Variants in CSMD1 observed in about 807,000 individuals in gnomAD.
The protein encoded by CSMD1 is CUB and Sushi multiple domains 1, also known as CUB and sushi domain-containing protein 1.
CSMD1 carries 213 observed loss-of-function variants against 417.5 expected under a neutral mutation model. That is an observed-to-expected ratio of 0.51 (90% CI 0.46 to 0.57). The LOEUF (loss-of-function observed/expected upper bound fraction) is 0.57. Ranked by LOEUF, CSMD1 falls within the 20% of genes least tolerant of loss-of-function variation. CSMD1 has a pLI of 0.00. For synonymous variants in CSMD1, 2,862 were observed against 1,736.8 expected (o/e 1.65, Z -16.11); for missense variants, 6,923 against 4,529.7 (o/e 1.53, Z -15.17).
chr8:4,377,190 A>G (rs1301208732), intron 3 of CSMD1, among the ~76,000 whole-genome samples: 1 of 152,170 alleles, frequency 6.6e-6, no homozygotes, highest in Non-Finnish European at 1.5e-5. Context: ...TTGATTACAC[A>G]TCTTTTGGAA....
intron 2 of CSMD1, among the ~76,000 whole-genome samples, chr8:4,480,211 C>T (rs73514662): frequency 6.8e-6 from 1 of 146,122 alleles, no homozygotes; most frequent in South Asian, 2.1e-4. Flanking sequence ...CAAAAAAAAA[C>T]CGAGAAGGAA....
intron 2 of CSMD1, among the ~76,000 whole-genome samples, chr8:4,479,015 A>T (rs1034947446): frequency 6.6e-6 from 1 of 152,182 alleles, no homozygotes; most frequent in Non-Finnish European, 1.5e-5. Context: ...ACACTGTTGC[A>T]ATTCCTAGGG....
chr8:4,305,263 C>T (rs971203239), intron 3 of CSMD1, among the ~76,000 whole-genome samples: 1 of 152,292 alleles, frequency 6.6e-6, no homozygotes, highest in Admixed American at 6.5e-5. Flanking sequence ...CGGCCATTTC[C>T]AATGCCTGGG....
At chr8:4,707,917 A>T (rs1349011265) in intron 1 of CSMD1, among the ~76,000 whole-genome samples, 1 of 92,812 alleles carries the variant, frequency 1.1e-5, no homozygotes, top group East Asian at 3.5e-4. Flanking sequence ...AAAAAAAAAA[A>T]AAAAAAAAAA....
chr8:3,849,566 G>C (rs529848582), intron 5 of CSMD1, among the ~76,000 whole-genome samples: 1 of 152,162 alleles, frequency 6.6e-6, no homozygotes, highest in East Asian at 1.9e-4. Flanking sequence ...CAATTCAAAT[G>C]AGTTCAGCTA....
At chr8:4,300,447 A>G (rs998715016) in intron 3 of CSMD1, among the ~76,000 whole-genome samples, 1 of 152,252 alleles carries the variant, frequency 6.6e-6, no homozygotes. Flanking sequence ...ATCCCTAAAG[A>G]ACTGAGTGTC....
At chr8:4,940,817 T>G (rs1414049691) in intron 1 of CSMD1, among the ~76,000 whole-genome samples, 1 of 152,216 alleles carries the variant, frequency 6.6e-6, no homozygotes, top group Non-Finnish European at 1.5e-5. Context: ...GTACCATGTG[T>G]CAGCTTGTAC....
chr8:3,751,261 C>G (rs1266332122), intron 6 of CSMD1, among the ~76,000 whole-genome samples: 1 of 150,372 alleles, frequency 6.7e-6, no homozygotes, highest in Non-Finnish European at 1.5e-5. Context: ...AATTAAATGC[C>G]AAATTTTTGA....
intron 2 of CSMD1, among the ~76,000 whole-genome samples, chr8:4,493,434 G>A (rs1214939998): frequency 6.6e-6 from 1 of 152,098 alleles, no homozygotes; most frequent in Non-Finnish European, 1.5e-5. Context: ...GGTGGTTCAC[G>A]CCTGTAATGC....
At chr8:3,898,687 C>T (rs1434289513) in intron 5 of CSMD1, among the ~76,000 whole-genome samples, 1 of 152,200 alleles carries the variant, frequency 6.6e-6, no homozygotes, top group Non-Finnish European at 1.5e-5. Context: ...GTTTCTCATT[C>T]AGAGTTCAGA....
At chr8:3,517,491 A>G (rs887595334) in intron 10 of CSMD1, among the ~76,000 whole-genome samples, 1 of 152,192 alleles carries the variant, frequency 6.6e-6, no homozygotes, top group African/African-American at 2.4e-5. Flanking sequence ...ATAGTTTGAT[A>G]AAAAATACTT....
intron 3 of CSMD1, among the ~76,000 whole-genome samples, chr8:4,143,746 G>C (rs1803940397): frequency 6.6e-6 from 1 of 151,112 alleles, no homozygotes. Flanking sequence ...GTGAAAGGGG[G>C]GATTTATTAA....
At chr8:3,500,370 C>T (rs1369235976) in intron 10 of CSMD1, among the ~76,000 whole-genome samples, 4 of 152,050 alleles carry the variant, frequency 2.6e-5, no homozygotes, top group Admixed American at 6.5e-5. Flanking sequence ...GCCACTGTGG[C>T]CAGTGAGCAT....
chr8:3,619,599 T>C (rs1387845943), intron 7 of CSMD1, among the ~76,000 whole-genome samples: 1 of 152,122 alleles, frequency 6.6e-6, no homozygotes, highest in Non-Finnish European at 1.5e-5. Context: ...TCAAGGAGAT[T>C]AATGAACACC....
chr8:3,351,195 C>T (rs1307551196), intron 21 of CSMD1, among the ~76,000 whole-genome samples: 1 of 152,180 alleles, frequency 6.6e-6, no homozygotes, highest in East Asian at 1.9e-4. Flanking sequence ...TGTGAATATA[C>T]ATGACCAAAA....
At chr8:4,878,964 G>C (rs931218511) in intron 1 of CSMD1, among the ~76,000 whole-genome samples, 3 of 151,934 alleles carry the variant, frequency 2.0e-5, no homozygotes, top group African/African-American at 7.3e-5. Flanking sequence ...GGCACAGTGA[G>C]AAGCAGGGAG....
At chr8:3,607,999 G>C (rs748521752) in intron 8 of CSMD1, among the ~76,000 whole-genome samples, 2 of 152,052 alleles carry the variant, frequency 1.3e-5, no homozygotes, top group African/African-American at 2.4e-5. Context: ...GGAAAACCCT[G>C]TCTCTACTAA....
chr8:3,340,588 G>A (rs79698353), intron 23 of CSMD1, among the ~76,000 whole-genome samples: 1,624 of 152,222 alleles, frequency 0.011, 21 homozygotes, highest in African/African-American at 0.036. Flanking sequence ...AATAACTTGC[G>A]TAAAATATTT....
At chr8:4,155,633 T>A (rs1796795850) in intron 3 of CSMD1, among the ~76,000 whole-genome samples, 1 of 152,198 alleles carries the variant, frequency 6.6e-6, no homozygotes, top group Non-Finnish European at 1.5e-5. Context: ...TCACTCTTGG[T>A]TAGCTGATGA....
Sources: allele counts gnomAD v4.1 joint callset (sites outside exome capture counted in the v4.1 genomes callset), GRCh38; gene constraint gnomAD v4.1.1; transcripts MANE v1.5; gene names NCBI Gene and HGNC (gene_info 2026-07-23, HGNC 2026-07-21).